Variants in B4GALT5 observed in about 807,000 individuals in gnomAD.
The protein encoded by B4GALT5 is UDP-Gal:beta-GlcNAc beta-1,4-galactosyltransferase 5.
A neutral mutation model predicts 45.0 loss-of-function variants in B4GALT5; 11 were observed. The observed-to-expected ratio is 0.24, with a 90% CI of 0.15 to 0.40. B4GALT5 has a LOEUF of 0.40. B4GALT5 is among the 10% of genes least tolerant of loss of function. The pLI, the probability that B4GALT5 is intolerant of heterozygous loss-of-function variation, is 1.00. For synonymous variants in B4GALT5, 185 were observed against 182.9 expected (o/e 1.01, Z -0.09); for missense variants, 337 against 500.2 (o/e 0.67, Z 3.11).
At chr20:49,669,673 G>A (rs1330197771) in intron 1 of B4GALT5, among the ~76,000 whole-genome samples, 3 of 146,972 alleles carry the variant, frequency 2.0e-5, no homozygotes, top group African/African-American at 7.6e-5. Context: ...TCCAGCCTGG[G>A]CAACAAGAGC....
rs369582072 is a variant in B4GALT5 at position 49,713,634 on chromosome 20, G to A, written c.57C>T (p.Leu19=). ...GCGAGGACGAGAGAGAAAAGAAGAA[G>A]AGCGCGGCGAGCAGCGAGCGGCGCG... ...RLPRRSLLAA[L]FFFSLSSSLL... The change falls in exon 1 of 9, where the codon CTC becomes CTT. Residue 19 remains leucine, a synonymous_variant. Transcript: ENST00000371711. 3 of 1,582,166 alleles carry A rather than the reference G, an allele frequency of 1.9e-6. No homozygotes were observed. Among genetic ancestry groups the A allele is most frequent in the African/African-American group, 2.8e-5 (2 of 72,218 alleles).
chr20:49,660,465 T>C (rs1259761011), intron 1 of B4GALT5, among the ~76,000 whole-genome samples: 1 of 152,236 alleles, frequency 6.6e-6, no homozygotes, highest in Non-Finnish European at 1.5e-5. Context: ...TTTCTATGAA[T>C]AGACTTTTTA....
intron 1 of B4GALT5, among the ~76,000 whole-genome samples, chr20:49,665,440 G>GTAATAATAATAATAA (rs71339446): frequency 1.1e-5 from 1 of 95,030 alleles, no homozygotes; most frequent in Non-Finnish European, 2.0e-5. Flanking sequence ...GGGGGTAGTA[G>GTAATAATAATAATAA]TAATAATAAT....
At position 49,677,068 on chromosome 20, in the gene B4GALT5, TA is replaced by T. The variant is rs570191592; in HGVS notation, c.116-20367del. Among the ~76,000 whole-genome samples the T allele has an allele frequency of 2.2e-4, 33 of 152,288 alleles. No homozygotes were observed. In the East Asian group the frequency reaches 5.8e-3, roughly 27 times the overall value. On this transcript the variant is annotated intron_variant, in intron 1 of 8. Coordinates refer to ENST00000371711, the MANE Select transcript of B4GALT5 (RefSeq NM_004776.4). ...TTTGTTTTTGCTGACTTCTTTGTTCTAGGGGGTATTTCTGCAGCCTTCTCAG... is the reference window on the plus strand; with the variant it reads ...TTTGTTTTTGCTGACTTCTTTGTTCTGGGGGTATTTCTGCAGCCTTCTCAG...
At chr20:49,713,133 C>T (rs1355221004) in intron 1 of B4GALT5, among the ~76,000 whole-genome samples, 1 of 150,736 alleles carries the variant, frequency 6.6e-6, no homozygotes, top group Non-Finnish European at 1.5e-5. Context: ...GGCACATGGG[C>T]TCGGCGAAGA....
chr20:49,665,995 G>A (rs546190363), intron 1 of B4GALT5, among the ~76,000 whole-genome samples: 98 of 152,132 alleles, frequency 6.4e-4, no homozygotes, highest in African/African-American at 2.3e-3. Flanking sequence ...CTATACTTGG[G>A]GTCTGAACTT....
At chr20:49,684,719 TG>T (rs959610048) in intron 1 of B4GALT5, 5 of 497,868 alleles carry the variant, frequency 1.0e-5, no homozygotes, top group African/African-American at 7.9e-5. Flanking sequence ...GCCACGTCCT[TG>T]TTCAAATAAT....
intron 7 of B4GALT5, among the ~76,000 whole-genome samples, chr20:49,639,418 A>C (rs2122993318): frequency 6.6e-6 from 1 of 152,162 alleles, no homozygotes; most frequent in South Asian, 2.1e-4. Context: ...CACCCAAGCT[A>C]GAGTGCAGTG....
chr20:49,680,901 T>A (rs2085761275), intron 1 of B4GALT5, among the ~76,000 whole-genome samples: 1 of 152,076 alleles, frequency 6.6e-6, no homozygotes, highest in South Asian at 2.1e-4. Flanking sequence ...TATGTATATT[T>A]TACCATATAT....
intron 1 of B4GALT5, among the ~76,000 whole-genome samples, chr20:49,708,948 AGTC>A (rs2085896411): frequency 8.5e-6 from 1 of 118,272 alleles, no homozygotes; most frequent in Non-Finnish European, 1.9e-5. Context: ...AAAAAAAAAA[AGTC>A]ATCAATGCAT....
At chr20:49,703,161 G>A (rs1309732706) in intron 1 of B4GALT5, among the ~76,000 whole-genome samples, 1 of 99,406 alleles carries the variant, frequency 1.0e-5, no homozygotes, top group African/African-American at 3.7e-5. Context: ...GCGAGACTCC[G>A]TCTCAAAAAA....
intron 7 of B4GALT5, among the ~76,000 whole-genome samples, chr20:49,638,408 C>G (rs186601821): frequency 3.9e-5 from 6 of 152,262 alleles, no homozygotes. Flanking sequence ...AAACAGATAC[C>G]AGGTAGTATT....
At chr20:49,709,399 TTCACTCTC>T in intron 1 of B4GALT5, among the ~76,000 whole-genome samples, 1 of 152,326 alleles carries the variant, frequency 6.6e-6, no homozygotes, top group Non-Finnish European at 1.5e-5. Flanking sequence ...CTTTCTCTCT[TTCACTCTC>T]TCACTTTCTG....
At chr20:49,662,639 T>C (rs1437345050) in intron 1 of B4GALT5, among the ~76,000 whole-genome samples, 1 of 152,202 alleles carries the variant, frequency 6.6e-6, no homozygotes, top group East Asian at 1.9e-4. Flanking sequence ...TTAACCAGTT[T>C]CACTGCACTA....
chr20:49,655,197 G>A (rs1227886912), intron 2 of B4GALT5, among the ~76,000 whole-genome samples: 5 of 151,870 alleles, frequency 3.3e-5, no homozygotes, highest in African/African-American at 9.7e-5. Context: ...TTGGGAGGCC[G>A]AGGCAGGCGG....
chr20:49,640,627 G>A lies in B4GALT5; in HGVS notation c.645C>T (p.Asn215=), dbSNP rs533867462. The stretch of plus-strand genomic sequence containing the variant: ...CTTTCATTGCCTCTTGAAAGCCAAC[G>A]TTGAAAAGCATGGCTCGATTAAAGG... ...TQPFNRAMLF[N]VGFQEAMKDL... Residue 215 remains asparagine, a synonymous_variant, in exon 6 of 9, where the codon AAC becomes AAT. Transcript: ENST00000371711. 4.3e-6 allele frequency: 7 copies of A among 1,613,150 alleles called. No homozygotes were observed. The highest frequency in any genetic ancestry group is 1.7e-5 in the Admixed American group (1 of 59,838).
At chr20:49,704,466 T>G (rs193037409) in intron 1 of B4GALT5, among the ~76,000 whole-genome samples, 1 of 152,172 alleles carries the variant, frequency 6.6e-6, no homozygotes, top group East Asian at 1.9e-4. Flanking sequence ...ACGCCTGTAA[T>G]CCCAGCACTT....
At chr20:49,647,308 A>T (rs1052422676) in intron 2 of B4GALT5, among the ~76,000 whole-genome samples, 4 of 152,234 alleles carry the variant, frequency 2.6e-5, no homozygotes, top group African/African-American at 9.6e-5. Context: ...ATAGGTTTAT[A>T]TGCAGCACTC....
rs556860926 is a variant in B4GALT5 at position 49,669,049 on chromosome 20, T to C, written c.116-12347A>G. 1.9e-3 allele frequency among the ~76,000 whole-genome samples: 290 copies of C among 151,680 alleles called. 2 individuals carry two copies. Among genetic ancestry groups the C allele is most frequent in the Non-Finnish European group, 2.8e-3 (187 of 67,900 alleles). ...GTGAATTTTTTTATTTTTGTAGAGG[T>C]AGAATCTCACTTTGTTGCCCAGGCT... On this transcript the variant is annotated intron_variant, in intron 1 of 8. Transcript: ENST00000371711.
Sources: gnomAD v4.1 joint callset for allele counts (sites outside exome capture counted in the v4.1 genomes callset) on GRCh38, gnomAD v4.1.1 for gene constraint, MANE v1.5 for transcripts, NCBI Gene and HGNC (gene_info 2026-07-23, HGNC 2026-07-21) for gene names.